UBP1: variants seen among roughly 807,000 people sequenced by gnomAD.
UBP1 encodes the protein upstream-binding protein 1.
UBP1 carries 22 observed loss-of-function variants against 76.1 expected under a neutral mutation model. The observed-to-expected ratio is 0.29, with a 90% CI of 0.21 to 0.41. The LOEUF is 0.41. UBP1 is among the 10% of genes least tolerant of loss of function. The probability of loss-of-function intolerance (pLI) is 1.00; values close to 1 mark genes in which losing one functional copy is unlikely to be tolerated. For synonymous variants in UBP1, 224 were observed against 237.1 expected, an observed-to-expected ratio of 0.94 and a Z score of 0.51; for missense variants, 436 against 668.1, an observed-to-expected ratio of 0.65 and a Z score of 3.83.
chr3:33,416,683 AATT>A, intron 3 of UBP1, 72 bp downstream of exon 3: 1 of 1,180,374 alleles, frequency 8.5e-7, no homozygotes, highest in Non-Finnish European at 1.2e-6. Context: ...ATTGAAGTGA[AATT>A]AATTTTTTTT....
At chr3:33,428,029 A>G (rs2045048782) in intron 1 of UBP1, among the ~76,000 whole-genome samples, 1 of 152,142 alleles carries the variant, frequency 6.6e-6, no homozygotes, top group Non-Finnish European at 1.5e-5. Context: ...TAAAAATACA[A>G]AAATTAGCTG....
intron 3 of UBP1, among the ~76,000 whole-genome samples, chr3:33,416,552 T>A (rs1206398298): frequency 6.6e-6 from 1 of 152,238 alleles, no homozygotes; most frequent in Non-Finnish European, 1.5e-5. Flanking sequence ...ACTTTTCTAT[T>A]GCTCCTTGAT....
rs1430768048 is a variant in UBP1 at position 33,440,122 on chromosome 3, GCCCC to G, written c.-278_-275del. 1 of 262,528 alleles carries G rather than the reference GCCCC, an allele frequency of 3.8e-6. No homozygotes were observed. Among genetic ancestry groups the G allele is most frequent in the African/African-American group, 2.3e-5 (1 of 43,932 alleles). 16.3% of individuals were successfully genotyped at this position (262,528 alleles called of 1,614,324 possible). ...CGCCTCATGCCGGCGCCGCCGCCCA[GCCCC>G]CGCGCCGCTAGCGCTGCAGCCGCCG... On this transcript the variant is annotated 5_prime_UTR_variant, in exon 1 of 16. Coordinates refer to ENST00000283629, the MANE Select transcript of UBP1 (RefSeq NM_014517.5).
At chr3:33,395,057 C>A (rs2043921821) in intron 13 of UBP1, among the ~76,000 whole-genome samples, 1 of 152,098 alleles carries the variant, frequency 6.6e-6, no homozygotes, top group East Asian at 1.9e-4. Context: ...TGAGAATACA[C>A]CTTCCAAAAT....
chr3:33,435,161 TGA>T (rs1275053010), intron 1 of UBP1, among the ~76,000 whole-genome samples: 1 of 152,206 alleles, frequency 6.6e-6, no homozygotes, highest in East Asian at 1.9e-4. Flanking sequence ...ATGTTTTAAA[TGA>T]GTTAATTTAT....
chr3:33,418,245 A>G (rs1197136299), intron 2 of UBP1, among the ~76,000 whole-genome samples: 3 of 152,130 alleles, frequency 2.0e-5, no homozygotes, highest in Non-Finnish European at 4.4e-5. Flanking sequence ...AATAAGAAAC[A>G]TTAATTTTTA....
intron 1 of UBP1, among the ~76,000 whole-genome samples, chr3:33,434,750 G>A (rs2971925): frequency 6.3e-4 from 87 of 138,804 alleles, no homozygotes; most frequent in Admixed American, 9.2e-4. Flanking sequence ...ACAGTGGCGC[G>A]ATCTCAGCTC....
intron 9 of UBP1, among the ~76,000 whole-genome samples, chr3:33,401,271 G>GA (rs1189268914): frequency 6.6e-6 from 1 of 152,072 alleles, no homozygotes; most frequent in Non-Finnish European, 1.5e-5. Context: ...CAAGTTTTGT[G>GA]AAACAAAAGG....
chr3:33,433,491 A>G (rs1452487935), intron 1 of UBP1, among the ~76,000 whole-genome samples: 1 of 151,706 alleles, frequency 6.6e-6, no homozygotes, highest in Admixed American at 6.6e-5. Flanking sequence ...CACCTCTACT[A>G]AAAATACAAA....
At position 33,400,297 on chromosome 3, in the gene UBP1, A is replaced by G; in HGVS notation, c.1087-15T>C. On this transcript the variant is annotated splice_polypyrimidine_tract_variant and intron_variant, in intron 10 of 15. Coordinates refer to ENST00000283629, the MANE Select transcript of UBP1 (RefSeq NM_014517.5). Reference sequence around the variant, plus strand: ...GGCTGAATTTGCTATTAACAATGAAAATGAACATAAATAAAAGGAACCATT... The same window carrying G: ...GGCTGAATTTGCTATTAACAATGAAGATGAACATAAATAAAAGGAACCATT... The G allele has an allele frequency of 6.4e-7, 1 of 1,570,480 alleles. No individual in the cohort carries two copies. The highest frequency in any genetic ancestry group is 1.2e-5 in the South Asian group (1 of 85,302).
chr3:33,429,413 A>G (rs1468270167), intron 1 of UBP1, among the ~76,000 whole-genome samples: 1 of 151,768 alleles, frequency 6.6e-6, no homozygotes, highest in Non-Finnish European at 1.5e-5. Context: ...CAGTGGCATG[A>G]TCATGGCTCA....
At chr3:33,434,512 C>T (rs958279593) in intron 1 of UBP1, among the ~76,000 whole-genome samples, 1 of 150,448 alleles carries the variant, frequency 6.6e-6, no homozygotes, top group African/African-American at 2.4e-5. Context: ...GTCTCAAACT[C>T]CCGACCTCAG....
chr3:33,419,827 G>A (rs1385360393), intron 2 of UBP1, among the ~76,000 whole-genome samples: 1 of 152,184 alleles, frequency 6.6e-6, no homozygotes, highest in Non-Finnish European at 1.5e-5. Flanking sequence ...AGTCTAGGTT[G>A]TAACTGAAAT....
intron 4 of UBP1, among the ~76,000 whole-genome samples, chr3:33,412,473 C>G (rs889737588): frequency 6.6e-6 from 1 of 151,628 alleles, no homozygotes; most frequent in Non-Finnish European, 1.5e-5. Flanking sequence ...ATCCTAGCTA[C>G]TTGGGAGGCT....
chr3:33,396,333 A>G lies in UBP1; in HGVS notation c.1272-53T>C, dbSNP rs952347520. 6 of 1,301,352 alleles carry G rather than the reference A, an allele frequency of 4.6e-6. No individual in the cohort carries two copies. The Admixed American group carries it at 5.8e-5, about 13-fold the overall frequency. The allele number at this position is 1,301,352 out of a possible 1,614,324, so 80.6% of individuals were successfully genotyped here. A position where few individuals can be genotyped will look rare whatever the true frequency, so the allele number is the denominator to read the frequency against. ...CCTGGGAGAGAAAGCTGCCTTACACATGTACAAATATGACAACTACAGGAA... is the reference window on the plus strand; with the variant it reads ...CCTGGGAGAGAAAGCTGCCTTACACGTGTACAAATATGACAACTACAGGAA... On this transcript the variant is annotated intron_variant, in intron 12 of 15. Coordinates refer to ENST00000283629, the MANE Select transcript of UBP1 (RefSeq NM_014517.5).
chr3:33,437,877 G>A lies in UBP1; in HGVS notation c.113+1859C>T, dbSNP rs116273184. ...TTAGTTTGAGAATTTCAAACAAAGGGCCTTGAATTTGCAAGAGGCAAGCAC... is the reference window on the plus strand; with the variant it reads ...TTAGTTTGAGAATTTCAAACAAAGGACCTTGAATTTGCAAGAGGCAAGCAC... On this transcript the variant is annotated intron_variant, in intron 1 of 15. Transcript: ENST00000283629. Among the ~76,000 whole-genome samples the A allele has an allele frequency of 9.3e-3, 1,419 of 152,230 alleles. 20 individuals are homozygous for A. Among genetic ancestry groups the A allele is most frequent in the African/African-American group, 0.032 (1,326 of 41,508 alleles).
At chr3:33,392,865 C>T in intron 14 of UBP1, 1 of 409,590 alleles carries the variant, frequency 2.4e-6, no homozygotes, top group Non-Finnish European at 4.3e-6. Context: ...ACATTCCCTG[C>T]CGGCTCCAGT....
chr3:33,398,733 T>C (rs934718594), intron 11 of UBP1, among the ~76,000 whole-genome samples: 6 of 152,206 alleles, frequency 3.9e-5, no homozygotes, highest in Admixed American at 2.0e-4. Flanking sequence ...ACTCACCAGA[T>C]AGAAACATGG....
At chr3:33,421,446 ATTTTCAGT>A (rs1438067056) in intron 2 of UBP1, among the ~76,000 whole-genome samples, 1 of 151,914 alleles carries the variant, frequency 6.6e-6, no homozygotes, top group African/African-American at 2.4e-5. Flanking sequence ...CTACTTTTGT[ATTTTCAGT>A]AGAGATGGTT....
Sources: gnomAD v4.1 joint callset for allele counts (sites outside exome capture counted in the v4.1 genomes callset) on GRCh38, gnomAD v4.1.1 for gene constraint, MANE v1.5 for transcripts, NCBI Gene and HGNC (gene_info 2026-07-23, HGNC 2026-07-21) for gene names.